Variants in AZI2 observed in about 807,000 individuals in gnomAD.
The protein encoded by AZI2 is 5-azacytidine-induced protein 2.
Under a neutral mutation model 45.8 loss-of-function variants are expected in AZI2, and 22 were observed. That is an observed-to-expected ratio of 0.48 (90% CI 0.34 to 0.69). The LOEUF is 0.69. Among genes scored for constraint, AZI2 ranks in the 30% least tolerant of loss-of-function variants. The pLI, the probability that AZI2 is intolerant of heterozygous loss-of-function variation, is 0.01. For synonymous variants in AZI2, 137 were observed against 156.7 expected (o/e 0.87, Z 0.94); for missense variants, 417 against 441.5 (o/e 0.94, Z 0.50).
rs747044429 is a variant in AZI2, at chr3:28,336,932, T to G, written c.440-47A>C. 7 of 1,574,760 alleles carry G rather than the reference T, an allele frequency of 4.4e-6. No homozygotes were observed. In the South Asian group the frequency reaches 4.6e-5, roughly 10 times the overall value. On this transcript the variant is annotated intron_variant, in intron 4 of 7. Coordinates refer to ENST00000479665, the MANE Select transcript of AZI2 (RefSeq NM_022461.5). ...AAATTGTTATCTTTTCCTTCTACAT[T>G]GACTGCAATTCTTAAAAATAGGTTA...
intron 5 of AZI2, among the ~76,000 whole-genome samples, chr3:28,336,491 T>C (rs1015209299): frequency 1.3e-5 from 2 of 152,014 alleles, no homozygotes; most frequent in Non-Finnish European, 2.9e-5. Context: ...CTAATAAGCT[T>C]ACTAAAAATC....
Position 28,340,553 on chromosome 3 carries a change from G to C in AZI2, c.65C>G (p.Thr22Arg), listed in dbSNP as rs369286286. 6.2e-7 allele frequency: 1 copy of C among 1,613,016 alleles called. No homozygotes were observed. Among genetic ancestry groups the C allele is most frequent in the Non-Finnish European group, 8.5e-7 (1 of 1,179,420 alleles). The stretch of plus-strand genomic sequence containing the variant: ...TGAATATATTGAAACTGGAGTCACT[G>C]TATCTCTCTTATGGGCTTTTTCATG... The part of the protein sequence containing the change: ...LNHEKAHKRD[T>R]VTPVSIYSGD... Residue 22 changes from threonine (T) to arginine (R), a missense_variant, in exon 2 of 8, where the codon ACA becomes AGA. Physicochemically the swap from Thr to Arg is moderately conservative, Grantham distance 71. Coordinates refer to ENST00000479665, the MANE Select transcript of AZI2 (RefSeq NM_022461.5).
chr3:28,342,775 T>C lies in AZI2; in HGVS notation c.-5-2153A>G, dbSNP rs1033806263. Among the ~76,000 whole-genome samples the C allele has an allele frequency of 2.0e-4, 30 of 150,236 alleles. 1 individual carries two copies. The highest frequency in any genetic ancestry group is 3.5e-3 in the Middle Eastern group (1 of 288). On this transcript the variant is annotated intron_variant, in intron 1 of 7. Coordinates refer to ENST00000479665, the MANE Select transcript of AZI2 (RefSeq NM_022461.5). ...CCCCTTAAAAGTAGAGCAAGTAAAA[T>C]AGTCACAGACGGCTAGGTAAGTGGT...
intron 1 of AZI2, among the ~76,000 whole-genome samples, chr3:28,341,224 A>C (rs1397356890): frequency 6.6e-6 from 1 of 152,094 alleles, no homozygotes; most frequent in African/African-American, 2.4e-5. Flanking sequence ...ACTATAATGC[A>C]CTACATTCTT....
chr3:28,335,067 G>A (rs1703735222), intron 5 of AZI2, among the ~76,000 whole-genome samples: 1 of 152,020 alleles, frequency 6.6e-6, no homozygotes, highest in African/African-American at 2.4e-5. Context: ...TGGTTTAGAA[G>A]ACGTCTAAAG....
At chr3:28,341,887 T>G (rs909934091) in intron 1 of AZI2, among the ~76,000 whole-genome samples, 6 of 152,172 alleles carry the variant, frequency 3.9e-5, no homozygotes, top group African/African-American at 1.4e-4. Context: ...ACATTATAGA[T>G]GAAGAAACTG....
intron 5 of AZI2, among the ~76,000 whole-genome samples, chr3:28,336,257 G>A (rs945677490): frequency 2.6e-5 from 4 of 151,986 alleles, no homozygotes; most frequent in Admixed American, 2.6e-4. Flanking sequence ...TGCCCCCAAA[G>A]TATTAGTCTT....
chr3:28,326,974 AGTT>A (rs1703412594), intron 6 of AZI2, 24 bp from the exon 7 acceptor site: 1 of 1,483,132 alleles, frequency 6.7e-7, no homozygotes, highest in African/African-American at 1.4e-5. Context: ...TTTTACAAAA[AGTT>A]AATACTCATC....
rs753856714 is a variant in AZI2 at position 28,340,418 on chromosome 3, C to A, written c.200G>T (p.Arg67Ile). The change falls in exon 2 of 8, where the codon AGA becomes ATA. Residue 67 changes from arginine to isoleucine, a missense_variant. Transcript: ENST00000479665. ...KENSLLKKRIRFLEEKLIARF... is the reference protein window; with the variant it reads ...KENSLLKKRIIFLEEKLIARF... ...AAAAATTACCTTTTCTTCCAAAAAT[C>A]TTATTCTCTTCTTTAACAAAGAGTT... 185 of 1,591,336 alleles carry A rather than the reference C, an allele frequency of 1.2e-4. No individual in the cohort carries two copies. Among genetic ancestry groups the A allele is most frequent in the Non-Finnish European group, 1.5e-4 (171 of 1,162,090 alleles).
At chr3:28,328,707 CAGAT>C (rs1220704787) in intron 6 of AZI2, among the ~76,000 whole-genome samples, 2 of 150,904 alleles carry the variant, frequency 1.3e-5, no homozygotes, top group African/African-American at 4.9e-5. Context: ...TTTAAAACTA[CAGAT>C]AGACAAATCT....
chr3:28,331,677 T>TA, intron 6 of AZI2: 1 of 1,290,568 alleles, frequency 7.7e-7, no homozygotes, highest in Admixed American at 3.3e-5. Flanking sequence ...AGCCAAATGA[T>TA]AAAACAATGA....
rs1703235875 is a variant in AZI2 at position 28,323,017 on chromosome 3, GAA to G, written c.*1023_*1024del. ...TTATTTCCAAATAATTGGCCACTTA[GAA>G]TAAGTGTGGACATTTCATGATCGAC... On this transcript the variant is annotated 3_prime_UTR_variant, in exon 8 of 8. Coordinates refer to ENST00000479665, the MANE Select transcript of AZI2 (RefSeq NM_022461.5). 1 of 141,184 alleles carries G rather than the reference GAA, an allele frequency of 7.1e-6. No individual in the cohort carries two copies. Among genetic ancestry groups the G allele is most frequent in the Non-Finnish European group, 1.6e-5 (1 of 61,024 alleles). 8.7% of individuals were successfully genotyped at this position (141,184 alleles called of 1,614,324 possible).
chr3:28,347,775 C>A (rs1577149164), intron 1 of AZI2, among the ~76,000 whole-genome samples: 1 of 152,168 alleles, frequency 6.6e-6, no homozygotes, highest in Non-Finnish European at 1.5e-5. Flanking sequence ...TCTCAATTTA[C>A]AGATGATGAA....
At chr3:28,329,818 G>C (rs1189218533) in intron 6 of AZI2, among the ~76,000 whole-genome samples, 1 of 151,168 alleles carries the variant, frequency 6.6e-6, no homozygotes, top group Non-Finnish European at 1.5e-5. Flanking sequence ...GGCACAGCAA[G>C]AATCATTTTA....
chr3:28,338,433 C>T, intron 3 of AZI2, 60 bp downstream of exon 3: 1 of 1,469,386 alleles, frequency 6.8e-7, no homozygotes, highest in South Asian at 1.5e-5. Context: ...AATTTTAAAC[C>T]TCTTGAAGGA....
At chr3:28,333,459 T>A (rs571963813) in intron 5 of AZI2, among the ~76,000 whole-genome samples, 34 of 151,814 alleles carry the variant, frequency 2.2e-4, no homozygotes, top group African/African-American at 8.2e-4. Flanking sequence ...TTACAGGAAA[T>A]AATGGAATCT....
intron 7 of AZI2, among the ~76,000 whole-genome samples, chr3:28,325,685 A>G (rs888765901): frequency 1.5e-4 from 22 of 151,224 alleles, no homozygotes; most frequent in African/African-American, 5.3e-4. Context: ...TGGTAGTTCT[A>G]TTTATCATGT....
chr3:28,329,655 T>C (rs528932671), intron 6 of AZI2, among the ~76,000 whole-genome samples: 4 of 151,400 alleles, frequency 2.6e-5, no homozygotes, highest in East Asian at 3.9e-4. Flanking sequence ...TATTTTTCTT[T>C]AGCATTTGAA....
intron 1 of AZI2, among the ~76,000 whole-genome samples, chr3:28,345,192 T>C (rs987578851): frequency 2.6e-5 from 4 of 152,206 alleles, no homozygotes; most frequent in Non-Finnish European, 5.9e-5. Flanking sequence ...AGCACCCAGG[T>C]GATTTTAAGT....
Sources: allele counts gnomAD v4.1 joint callset (sites outside exome capture counted in the v4.1 genomes callset), GRCh38; gene constraint gnomAD v4.1.1; transcripts MANE v1.5; gene names NCBI Gene and HGNC (gene_info 2026-07-23, HGNC 2026-07-21).